Variants in RBFOX3 observed in about 807,000 individuals in gnomAD.
RBFOX3 encodes RNA binding fox-1 homolog 3.
A neutral mutation model predicts 48.7 loss-of-function variants in RBFOX3; 17 were observed. That is an observed-to-expected ratio of 0.35 (90% CI 0.24 to 0.52). The LOEUF is 0.52. Ranked by LOEUF, RBFOX3 falls within the 20% of genes least tolerant of loss-of-function variation. The pLI, the probability that RBFOX3 is intolerant of heterozygous loss-of-function variation, is 0.94. For synonymous variants in RBFOX3, 212 were observed against 209.5 expected, an observed-to-expected ratio of 1.01 and a Z score of -0.10; for missense variants, 382 against 497.5, an observed-to-expected ratio of 0.77 and a Z score of 2.21.
chr17:79,641,181 G>A, the RBFOX3 span, among the ~76,000 whole-genome samples: 2 of 152,150 alleles, frequency 1.3e-5, no homozygotes, highest in Non-Finnish European at 2.9e-5. Flanking sequence ...TCATACAAAT[G>A]GCCAATAGGT....
At chr17:79,494,789 A>G (rs754967113) in intron 1 of RBFOX3, among the ~76,000 whole-genome samples, 53 of 152,316 alleles carry the variant, frequency 3.5e-4, no homozygotes, top group Admixed American at 7.2e-4. Flanking sequence ...CCCTGCCTAC[A>G]GAGGAGTATC....
chr17:79,602,587 G>A (rs34964975), intron 1 of RBFOX3, among the ~76,000 whole-genome samples: 48,724 of 152,080 alleles, frequency 0.32, 9,034 homozygotes, highest in Non-Finnish European at 0.41. Flanking sequence ...TGTCCCTGCC[G>A]TGAGGCCCCC....
intron 1 of RBFOX3, among the ~76,000 whole-genome samples, chr17:79,507,244 C>T (rs1488463437): frequency 2.6e-5 from 4 of 152,202 alleles, no homozygotes; most frequent in African/African-American, 9.7e-5. Context: ...ACACAACCGC[C>T]AGGGCCTCAG....
intron 1 of RBFOX3, among the ~76,000 whole-genome samples, chr17:79,494,874 G>A (rs2081210506): frequency 6.6e-6 from 1 of 152,184 alleles, no homozygotes; most frequent in Non-Finnish European, 1.5e-5. Context: ...ACCCAACAGA[G>A]GCACAAGAGG....
At chr17:79,496,180 G>A (rs1193102624) in intron 1 of RBFOX3, among the ~76,000 whole-genome samples, 2 of 152,000 alleles carry the variant, frequency 1.3e-5, no homozygotes, top group African/African-American at 4.8e-5. Context: ...GAGGGCTTCC[G>A]GGAGTTCAGA....
intron 1 of RBFOX3, among the ~76,000 whole-genome samples, chr17:79,486,822 C>T (rs891726062): frequency 6.6e-6 from 1 of 152,288 alleles, no homozygotes; most frequent in East Asian, 1.9e-4. Flanking sequence ...GTGCCCGCAT[C>T]TGCAGCTGGC....
At position 79,150,035 on chromosome 17, in the gene RBFOX3, T is replaced by TGGGGGTGGGGGTTGAGGGTGGGGGGG. The variant is rs2044034749; in HGVS notation, c.-33-34288_-33-34287insCCCCCCCACCCTCAACCCCCACCCCC. Among the ~76,000 whole-genome samples the TGGGGGTGGGGGTTGAGGGTGGGGGGG allele has an allele frequency of 1.4e-3, 11 of 7,916 alleles. 1 individual carries two copies. The highest frequency in any genetic ancestry group is 2.0e-3 in the Non-Finnish European group (8 of 4,060). The allele number at this position is 7,916 out of a possible 152,430, so 5.2% of individuals were successfully genotyped here. On this transcript the variant is annotated intron_variant, in intron 4 of 14. Coordinates refer to ENST00000693108, the MANE Select transcript of RBFOX3 (RefSeq NM_001350451.2). ...GGGGATGGGGGTTGAGGGTGGGGGGTGGGGGTGGGGGATGGGGATGGGGGT... is the reference window on the plus strand; with the variant it reads ...GGGGATGGGGGTTGAGGGTGGGGGGTGGGGGTGGGGGTTGAGGGTGGGGGGGGGGGGTGGGGGATGGGGATGGGGGT...
At chr17:79,588,443 C>T (rs952882724) in intron 1 of RBFOX3, among the ~76,000 whole-genome samples, 2 of 152,096 alleles carry the variant, frequency 1.3e-5, no homozygotes, top group East Asian at 3.9e-4. Context: ...AGGAGCCGAG[C>T]GCAGACCTTG....
At chr17:79,602,247 G>A (rs1433693952) in intron 1 of RBFOX3, among the ~76,000 whole-genome samples, 2 of 152,230 alleles carry the variant, frequency 1.3e-5, no homozygotes, top group Middle Eastern at 3.2e-3. Context: ...GCCATCAGCT[G>A]AAGGTTCCCA....
rs377196121 is a variant in RBFOX3, at chr17:79,477,338, C to T, written c.-175+5116G>A. 2.6e-4 allele frequency among the ~76,000 whole-genome samples: 38 copies of T among 148,478 alleles called. No individual in the cohort carries two copies. Among genetic ancestry groups the T allele is most frequent in the East Asian group, 1.4e-3 (7 of 4,956 alleles). ...TTGGGAGGCCAAGGCAGGTGGATCA[C>T]GAGGTCAGGAGATCGAGATCATCCT... is the stretch of plus-strand genomic sequence containing the variant. On this transcript the variant is annotated intron_variant, in intron 2 of 14. Coordinates refer to ENST00000693108, the MANE Select transcript of RBFOX3 (RefSeq NM_001350451.2). This position sits in a 1 kb window ranked among gnomAD's most constrained non-coding sequence, Gnocchi z 4.8.
chr17:79,489,211 A>C (rs75109193), intron 1 of RBFOX3, among the ~76,000 whole-genome samples: 1 of 147,598 alleles, frequency 6.8e-6, no homozygotes, highest in African/African-American at 2.5e-5. Context: ...AGAGCGGAAC[A>C]TTTTAGCCTT....
intron 1 of RBFOX3, among the ~76,000 whole-genome samples, chr17:79,488,705 C>G (rs913673586): frequency 6.6e-6 from 1 of 152,232 alleles, no homozygotes; most frequent in Non-Finnish European, 1.5e-5. Context: ...ACAAGGTACA[C>G]TAGCAACCCC....
the RBFOX3 span, among the ~76,000 whole-genome samples, chr17:79,636,999 G>C: frequency 6.6e-6 from 1 of 152,242 alleles, no homozygotes; most frequent in South Asian, 2.1e-4. Context: ...TGATAACATG[G>C]GTGGCTATGC....
chr17:79,103,350 A>T lies in RBFOX3; in HGVS notation c.415-96T>A. On this transcript the variant is annotated intron_variant, in intron 7 of 14. Transcript: ENST00000693108. This position sits in a 1 kb window ranked among gnomAD's most constrained non-coding sequence, Gnocchi z 6.1. ...GGAAGAAGAGGAGTGGGAGGGGGGC[A>T]GGGGAGTGGGGAGAGAGAGAGAAGG... 9 of 674,694 alleles carry T rather than the reference A, an allele frequency of 1.3e-5. No individual in the cohort carries two copies. Among genetic ancestry groups the T allele is most frequent in the African/African-American group, 7.3e-5 (4 of 55,138 alleles). The allele number at this position is 674,694 out of a possible 1,614,324, so 41.8% of individuals were successfully genotyped here. A position where few individuals can be genotyped will look rare whatever the true frequency, so the allele number is the denominator to read the frequency against.
At chr17:79,359,162 T>A (rs2085810866) in intron 2 of RBFOX3, among the ~76,000 whole-genome samples, 1 of 152,226 alleles carries the variant, frequency 6.6e-6, no homozygotes, top group African/African-American at 2.4e-5. Flanking sequence ...AACGTATCCC[T>A]AATCCACCTC....
intron 3 of RBFOX3, among the ~76,000 whole-genome samples, chr17:79,304,870 T>C (rs2075879722): frequency 1.3e-5 from 2 of 152,140 alleles, no homozygotes; most frequent in African/African-American, 4.8e-5. Flanking sequence ...GGTGCCGTGT[T>C]CTCGAGGCAG....
chr17:79,521,565 G>A (rs899434519), intron 1 of RBFOX3, among the ~76,000 whole-genome samples: 2 of 151,792 alleles, frequency 1.3e-5, no homozygotes, highest in Non-Finnish European at 1.5e-5. Flanking sequence ...CTCATGCACA[G>A]AAACATACTC....
chr17:79,446,663 T>C (rs556510953), intron 2 of RBFOX3, among the ~76,000 whole-genome samples: 8 of 152,336 alleles, frequency 5.3e-5, no homozygotes, highest in Admixed American at 1.3e-4. Context: ...TAGAAATTTC[T>C]GCATAACCTG....
chr17:79,297,138 A>T (rs577005217), intron 3 of RBFOX3, among the ~76,000 whole-genome samples: 1 of 152,098 alleles, frequency 6.6e-6, no homozygotes, highest in South Asian at 2.1e-4. Flanking sequence ...GGAGCTTGGC[A>T]GAGCCTCCTC....
Sources: allele counts gnomAD v4.1 joint callset (sites outside exome capture counted in the v4.1 genomes callset), GRCh38; gene constraint gnomAD v4.1.1; non-coding constraint Gnocchi (gnomAD v3.1); transcripts MANE v1.5; gene names NCBI Gene and HGNC (gene_info 2026-07-23, HGNC 2026-07-21).